Variants in STARD13 observed in about 807,000 individuals in gnomAD.
STARD13 encodes StAR related lipid transfer domain containing 13.
A neutral mutation model predicts 106.4 loss-of-function variants in STARD13; 62 were observed. That is an observed-to-expected ratio of 0.58 (90% confidence interval 0.48 to 0.72). The LOEUF (loss-of-function observed/expected upper bound fraction) is 0.72. Ranked by LOEUF, STARD13 falls within the 30% of genes least tolerant of loss-of-function variation. The probability of loss-of-function intolerance (pLI) is 0.00; values close to 1 mark genes in which losing one functional copy is unlikely to be tolerated. For missense variants in STARD13, 1,387 were observed against 1,424.0 expected (o/e 0.97, Z 0.42); for synonymous variants, 565 against 553.0 (o/e 1.02, Z -0.31).
chr13:33,633,711 A>G, the STARD13 span, among the ~76,000 whole-genome samples: 2 of 152,346 alleles, frequency 1.3e-5, no homozygotes, highest in East Asian at 3.9e-4. Context: ...TTTTTTATTC[A>G]ACAATTTTAT....
intron 1 of STARD13, among the ~76,000 whole-genome samples, chr13:33,291,337 C>T (rs931900139): frequency 5.9e-5 from 9 of 152,006 alleles, no homozygotes; most frequent in Non-Finnish European, 1.2e-4. Flanking sequence ...TTTTTTCCAT[C>T]GAACCACATG....
At chr13:33,627,164 G>T in the STARD13 span, among the ~76,000 whole-genome samples, 2 of 152,168 alleles carry the variant, frequency 1.3e-5, no homozygotes, top group East Asian at 1.9e-4. Flanking sequence ...TTCCCAAGTA[G>T]CAGAATTAGT....
chr13:33,532,340 T>C, the STARD13 span, among the ~76,000 whole-genome samples: 1,625 of 152,322 alleles, frequency 0.011, 22 homozygotes, highest in African/African-American at 0.035. Flanking sequence ...TGTGCTCTTT[T>C]CCCCTCTAAA....
the STARD13 span, among the ~76,000 whole-genome samples, chr13:33,540,735 A>AT: frequency 6.6e-6 from 1 of 152,236 alleles, no homozygotes; most frequent in African/African-American, 2.4e-5. Flanking sequence ...TTTTTTCAAT[A>AT]AAGTGTGAGG....
the STARD13 span, among the ~76,000 whole-genome samples, chr13:33,555,925 G>A: frequency 6.6e-6 from 1 of 152,154 alleles, no homozygotes; most frequent in South Asian, 2.1e-4. Flanking sequence ...TGGTATTCCT[G>A]AGGCCCCAGG....
intron 1 of STARD13, among the ~76,000 whole-genome samples, chr13:33,240,742 A>C (rs1395262063): frequency 6.6e-6 from 1 of 151,862 alleles, no homozygotes; most frequent in Non-Finnish European, 1.5e-5. Flanking sequence ...TTTTATCCTT[A>C]AGGATCCTTA....
At chr13:33,649,142 G>A in the STARD13 span, among the ~76,000 whole-genome samples, 45 of 152,060 alleles carry the variant, frequency 3.0e-4, no homozygotes, top group African/African-American at 1.1e-3. Context: ...AAATTATCTA[G>A]GATCTTGATA....
At chr13:33,650,260 T>G in the STARD13 span, among the ~76,000 whole-genome samples, 24,959 of 128,756 alleles carry the variant, frequency 0.19, 5,441 homozygotes, top group African/African-American at 0.53. Context: ...GCGCGATCTC[T>G]GCTCACTGCA....
At chr13:33,674,560 G>A in the STARD13 span, among the ~76,000 whole-genome samples, 1 of 152,126 alleles carries the variant, frequency 6.6e-6, no homozygotes, top group Non-Finnish European at 1.5e-5. Context: ...TAATTCCAGT[G>A]CATTTCTCTA....
chr13:33,248,126 A>G (rs1175385967), intron 1 of STARD13, among the ~76,000 whole-genome samples: 1 of 152,160 alleles, frequency 6.6e-6, no homozygotes, highest in Non-Finnish European at 1.5e-5. Flanking sequence ...AAGGCTGGGC[A>G]TGGTGGCTCA....
intron 1 of STARD13, among the ~76,000 whole-genome samples, chr13:33,216,465 G>A (rs1888048001): frequency 1.3e-5 from 2 of 152,156 alleles, no homozygotes; most frequent in Admixed American, 1.3e-4. Flanking sequence ...ACTCAGGAAT[G>A]GAAAACCAAA....
At chr13:33,107,919 T>C (rs1873991475) in intron 12 of STARD13, among the ~76,000 whole-genome samples, 1 of 152,236 alleles carries the variant, frequency 6.6e-6, no homozygotes, top group East Asian at 1.9e-4. Context: ...TACTAAGTCA[T>C]GTCCTCCATG....
chr13:33,129,874 C>A lies in STARD13; in HGVS notation c.803G>T (p.Gly268Val). The change falls in exon 5 of 14, where the codon GGG becomes GTG. Residue 268 changes from glycine to valine, a missense_variant. By Grantham distance (109) the Gly-to-Val change is moderately radical. Coordinates refer to ENST00000336934, the MANE Select transcript of STARD13 (RefSeq NM_178006.4). ...CTTATGCCTCCCGTGGGCTCCCTTC[C>A]CTCGGAGTGTTTCCATGCGTTTCAA... ...SFLKRMETLR[G>V]KGAHGRHKGS... 6.2e-7 allele frequency: 1 copy of A among 1,613,072 alleles called. No homozygotes were observed. Among genetic ancestry groups the A allele is most frequent in the African/African-American group, 1.3e-5 (1 of 75,032 alleles).
chr13:33,323,769 C>T (rs977533558), intron 1 of STARD13, among the ~76,000 whole-genome samples: 3 of 152,180 alleles, frequency 2.0e-5, no homozygotes, highest in African/African-American at 7.2e-5. Context: ...TCTTAAAAGA[C>T]CACTTGGCTC....
chr13:33,637,324 TC>T, the STARD13 span, among the ~76,000 whole-genome samples: 1 of 152,160 alleles, frequency 6.6e-6, no homozygotes, highest in Admixed American at 6.5e-5. Context: ...CCTCTACATT[TC>T]CACCACCACA....
chr13:33,307,469 G>C (rs6561837), intron 1 of STARD13, among the ~76,000 whole-genome samples: 143,436 of 152,310 alleles, frequency 0.94, 68,155 homozygotes, highest in East Asian at 1. Flanking sequence ...CCATGGAATA[G>C]TATGCAGCCA....
chr13:33,451,066 G>C, the STARD13 span, among the ~76,000 whole-genome samples: 1 of 151,968 alleles, frequency 6.6e-6, no homozygotes, highest in African/African-American at 2.4e-5. Context: ...ATTTTTTGTA[G>C]ATGGGGTCTC....
chr13:33,411,831 A>C, the STARD13 span, among the ~76,000 whole-genome samples: 1 of 152,248 alleles, frequency 6.6e-6, no homozygotes, highest in Admixed American at 6.5e-5. Context: ...GTGCTGAAAG[A>C]AATGGATCGT....
intron 1 of STARD13, chr13:33,278,295 G>T (rs1028640264): frequency 6.6e-6 from 1 of 152,116 alleles, no homozygotes; most frequent in Non-Finnish European, 1.5e-5. Flanking sequence ...TTTCTCCCTT[G>T]AATATCTGTC....
Sources: allele counts gnomAD v4.1 joint callset (sites outside exome capture counted in the v4.1 genomes callset), GRCh38; gene constraint gnomAD v4.1.1; transcripts MANE v1.5; gene names NCBI Gene and HGNC (gene_info 2026-07-23, HGNC 2026-07-21).